The following TANGO6 variants were observed in gnomAD, a reference collection of about 807,000 sequenced individuals.
The protein encoded by TANGO6 is transport and golgi organization 6 homolog.
A neutral mutation model predicts 114.2 loss-of-function variants in TANGO6; 90 were observed. That is an observed-to-expected ratio of 0.79 (90% CI 0.66 to 0.94). The LOEUF is 0.94. Among genes scored for constraint, TANGO6 ranks in the 40% least tolerant of loss-of-function variants. TANGO6 has a pLI of 0.00. For missense variants in TANGO6, 1,274 were observed against 1,315.3 expected (o/e 0.97, Z 0.49); for synonymous variants, 477 against 509.8 (o/e 0.94, Z 0.87).
chr16:68,865,489 G>C (rs1352753232), intron 3 of TANGO6, among the ~76,000 whole-genome samples: 1 of 152,110 alleles, frequency 6.6e-6, no homozygotes, highest in African/African-American at 2.4e-5. Flanking sequence ...GCCAAAACCA[G>C]CTAATAAGTG....
chr16:68,975,636 C>T (rs1230052135), intron 15 of TANGO6, among the ~76,000 whole-genome samples: 1 of 151,898 alleles, frequency 6.6e-6, no homozygotes, highest in Non-Finnish European at 1.5e-5. Flanking sequence ...TGGCTTACTG[C>T]AGCCTGAACC....
chr16:69,003,732 C>T (rs1231695616), intron 15 of TANGO6, among the ~76,000 whole-genome samples: 10 of 152,092 alleles, frequency 6.6e-5, no homozygotes, highest in Non-Finnish European at 1.3e-4. Context: ...ACATAGACCA[C>T]CTATGACATG....
chr16:68,973,875 A>G (rs1017798112), intron 14 of TANGO6, 153 bp from the exon 15 acceptor site: 2 of 823,122 alleles, frequency 2.4e-6, no homozygotes, highest in Non-Finnish European at 3.8e-6. Flanking sequence ...TCCACTCACT[A>G]TGCTGACTCT....
chr16:68,971,872 A>G (rs373270360), intron 14 of TANGO6, among the ~76,000 whole-genome samples: 4 of 151,916 alleles, frequency 2.6e-5, no homozygotes, highest in African/African-American at 9.7e-5. Flanking sequence ...ACCTCAAGTG[A>G]TCCACCCACC....
At chr16:68,855,511 G>C (rs1961973931) in intron 1 of TANGO6, among the ~76,000 whole-genome samples, 1 of 151,704 alleles carries the variant, frequency 6.6e-6, no homozygotes, top group Non-Finnish European at 1.5e-5. Context: ...GAACCCAGGA[G>C]GCAAAGCTTG....
chr16:68,862,988 G>A lies in TANGO6; in HGVS notation c.779G>A (p.Arg260Lys), dbSNP rs756238046. ...EERTLSRGAL[R>K]DMLDQVYQPL... ...AGAACCCTATCCAGGGGGGCCTTGA[G>A]AGACATGCTGGATCAAGTCTATCAG... is the stretch of plus-strand genomic sequence containing the variant. The change falls in exon 3 of 18, where the codon AGA (arginine) becomes AAA (lysine). Residue 260 changes from arginine to lysine, a missense_variant. By Grantham distance (26) the Arg-to-Lys change is conservative. Around this residue, in one of 5 missense-constraint regions of TANGO6, gnomAD observed 908 missense variants for 910.2 expected, o/e 1.00. Transcript: ENST00000261778. 2.7e-5 allele frequency: 44 copies of A among 1,600,918 alleles called. No individual in the cohort carries two copies. The highest frequency in any genetic ancestry group is 3.6e-5 in the Non-Finnish European group (42 of 1,173,978).
chr16:68,907,991 C>T (rs1190998318), intron 10 of TANGO6, among the ~76,000 whole-genome samples: 1 of 152,124 alleles, frequency 6.6e-6, no homozygotes, highest in African/African-American at 2.4e-5. Flanking sequence ...ATTCTGCCTC[C>T]TTCATTTCAT....
chr16:69,008,022 A>G (rs1964109458), intron 15 of TANGO6, among the ~76,000 whole-genome samples: 2 of 152,090 alleles, frequency 1.3e-5, no homozygotes, highest in Non-Finnish European at 2.9e-5. Flanking sequence ...AGTTCTTTAT[A>G]GATTCAAGAG....
chr16:69,039,164 G>C (rs993359221), intron 16 of TANGO6, among the ~76,000 whole-genome samples: 5 of 151,370 alleles, frequency 3.3e-5, no homozygotes, highest in Non-Finnish European at 5.9e-5. Context: ...CAGCCTGGGC[G>C]ACAGAGTGAG....
At chr16:69,022,128 C>G (rs536485440) in intron 15 of TANGO6, among the ~76,000 whole-genome samples, 1 of 151,944 alleles carries the variant, frequency 6.6e-6, no homozygotes, top group African/African-American at 2.4e-5. Flanking sequence ...CCTCGTGATC[C>G]GCCCACCTCG....
intron 17 of TANGO6, among the ~76,000 whole-genome samples, chr16:69,075,608 C>G (rs1288548281): frequency 6.6e-6 from 1 of 151,730 alleles, no homozygotes; most frequent in Non-Finnish European, 1.5e-5. Context: ...CACACCCCAC[C>G]ACACCTGGCT....
At chr16:68,930,418 C>T in intron 14 of TANGO6, 123 bp downstream of exon 14, 5 of 754,044 alleles carry the variant, frequency 6.6e-6, no homozygotes, top group Non-Finnish European at 1.1e-5. Context: ...CGTCTTCCTG[C>T]CTCCTAGCTA....
chr16:68,860,670 T>TG, intron 2 of TANGO6, 146 bp downstream of exon 2: 1 of 1,121,656 alleles, frequency 8.9e-7, no homozygotes, highest in Non-Finnish European at 1.2e-6. Flanking sequence ...ATGAATCTTT[T>TG]GGGGGTGGGC....
intron 17 of TANGO6, among the ~76,000 whole-genome samples, chr16:69,046,273 C>T (rs184120357): frequency 1.9e-3 from 282 of 151,360 alleles, no homozygotes; most frequent in Middle Eastern, 3.4e-3. Flanking sequence ...AGAAAATCAA[C>T]TAAGACGAAC....
intron 1 of TANGO6, among the ~76,000 whole-genome samples, chr16:68,852,617 C>A (rs1370146889): frequency 2.0e-5 from 3 of 152,028 alleles, no homozygotes; most frequent in African/African-American, 7.2e-5. Flanking sequence ...ATTGCTTGAG[C>A]CCAGGAGGTC....
chr16:68,907,410 C>T (rs1410337622), intron 9 of TANGO6, 33 bp from the exon 10 acceptor site: 8 of 1,541,350 alleles, frequency 5.2e-6, no homozygotes, highest in Non-Finnish European at 7.0e-6. Flanking sequence ...TCTCTGGTGA[C>T]ACTACCAAGA....
chr16:68,906,772 T>C lies in TANGO6; in HGVS notation c.1668-671T>C, dbSNP rs369740296. 1.1e-4 allele frequency among the ~76,000 whole-genome samples: 16 copies of C among 151,050 alleles called. No individual in the cohort carries two copies. In the East Asian group the frequency reaches 1.9e-3, roughly 18 times the overall value. Reference sequence around the variant, plus strand: ...TCCATCTTCATGACCATGCAGGACATAACCGCCTAGTTTCTTCTTCTTTTT... The same window carrying C: ...TCCATCTTCATGACCATGCAGGACACAACCGCCTAGTTTCTTCTTCTTTTT... On this transcript the variant is annotated intron_variant, in intron 9 of 17. Coordinates refer to ENST00000261778, the MANE Select transcript of TANGO6 (RefSeq NM_024562.2).
intron 17 of TANGO6, among the ~76,000 whole-genome samples, chr16:69,056,128 A>G (rs1046205477): frequency 7.9e-5 from 12 of 152,182 alleles, no homozygotes; most frequent in Non-Finnish European, 1.6e-4. Flanking sequence ...TAAATGTTCA[A>G]CCTTTGCTAG....
At chr16:69,054,940 CAAAAAAAAAAAAA>C (rs35840863) in intron 17 of TANGO6, among the ~76,000 whole-genome samples, 1 of 68,928 alleles carries the variant, frequency 1.5e-5, no homozygotes, top group African/African-American at 6.0e-5. Flanking sequence ...GACTCCGTCT[CAAAAAAAAAAAAA>C]AAAAAAAAAA....
Sources: gnomAD v4.1 joint callset for allele counts (sites outside exome capture counted in the v4.1 genomes callset) on GRCh38, gnomAD v4.1.1 for gene constraint, gnomAD v4.1.1 regional missense constraint, MANE v1.5 for transcripts, NCBI Gene and HGNC (gene_info 2026-07-23, HGNC 2026-07-21) for gene names.